The following UBE2G2 variants were observed in gnomAD, a reference collection of about 807,000 sequenced individuals.
UBE2G2 encodes ubiquitin conjugating enzyme E2 G2, also known as ubiquitin-conjugating enzyme E2 G2.
A neutral mutation model predicts 23.0 loss-of-function variants in UBE2G2; 10 were observed. The ratio of observed to expected loss-of-function variants is 0.43; its 90% CI spans 0.27 to 0.74. UBE2G2 has a LOEUF of 0.74. Ranked by LOEUF, UBE2G2 falls within the 30% of genes least tolerant of loss-of-function variation. The probability of loss-of-function intolerance (pLI) is 0.19; values close to 1 mark genes in which losing one functional copy is unlikely to be tolerated. For missense variants in UBE2G2, 150 were observed against 218.3 expected (o/e 0.69, Z 1.97); for synonymous variants, 86 against 81.3 (o/e 1.06, Z -0.31).
At chr21:44,800,322 G>A (rs1380264580) in intron 1 of UBE2G2, 4 of 152,080 alleles carry the variant, frequency 2.6e-5, no homozygotes, top group East Asian at 1.9e-4. Flanking sequence ...GTTTACAGGA[G>A]GCCCTGTGTA....
At chr21:44,777,196 A>G (rs2146386690) in intron 4 of UBE2G2, 103 bp downstream of exon 4, 3 of 971,142 alleles carry the variant, frequency 3.1e-6, no homozygotes, top group East Asian at 2.4e-5. Context: ...TTTTCTAAAG[A>G]TCTACATCAT....
At chr21:44,777,860 T>C (rs1269371731) in intron 3 of UBE2G2, among the ~76,000 whole-genome samples, 3 of 152,154 alleles carry the variant, frequency 2.0e-5, no homozygotes, top group Non-Finnish European at 4.4e-5. Context: ...AAAAAGATTA[T>C]CTAAGTAACA....
intron 1 of UBE2G2, among the ~76,000 whole-genome samples, chr21:44,799,301 C>T (rs1408672039): frequency 2.0e-5 from 3 of 152,202 alleles, no homozygotes; most frequent in African/African-American, 7.2e-5. Context: ...TCGCCCTGTC[C>T]TTTGAAGCCA....
intron 1 of UBE2G2, among the ~76,000 whole-genome samples, chr21:44,788,313 G>A (rs1394825110): frequency 1.1e-4 from 14 of 129,760 alleles, no homozygotes; most frequent in African/African-American, 4.1e-4. Context: ...TTTTTGAGAC[G>A]GAGTCTCACT....
intron 4 of UBE2G2, 78 bp downstream of exon 4, chr21:44,777,221 T>C: frequency 1.7e-6 from 2 of 1,201,926 alleles, no homozygotes; most frequent in Non-Finnish European, 2.5e-6. Flanking sequence ...ATATAGAATA[T>C]ACCACATTTC....
intron 1 of UBE2G2, among the ~76,000 whole-genome samples, chr21:44,794,788 C>T (rs1555963438): frequency 3.3e-5 from 5 of 152,242 alleles, no homozygotes; most frequent in African/African-American, 1.2e-4. Flanking sequence ...CCCACCTCAG[C>T]CCACAAAGTG....
chr21:44,771,558 CATTTATTTAA>C lies in UBE2G2; in HGVS notation c.386-79_386-70del. 6.6e-7 allele frequency: 1 copy of C among 1,510,474 alleles called. No homozygotes were observed. Among genetic ancestry groups the C allele is most frequent in the Non-Finnish European group, 9.1e-7 (1 of 1,099,324 alleles). 93.6% of individuals were successfully genotyped at this position (1,510,474 alleles called of 1,614,324 possible). A position where few individuals can be genotyped will look rare whatever the true frequency, so the allele number is the denominator to read the frequency against. ...ACGTAAGCAGCCTGGCAAGGTCTCC[CATTTATTTAA>C]AACACTGGCGGGGGCTTTCAAGAGC... On this transcript the variant is annotated intron_variant, in intron 5 of 5. Coordinates refer to ENST00000345496, the MANE Select transcript of UBE2G2 (RefSeq NM_003343.6). This position sits in a 1 kb window ranked among gnomAD's most constrained non-coding sequence, Gnocchi z 4.6.
chr21:44,791,990 A>G (rs1197864426), intron 1 of UBE2G2, among the ~76,000 whole-genome samples: 1 of 152,222 alleles, frequency 6.6e-6, no homozygotes, highest in East Asian at 1.9e-4. Context: ...GAGCTTTAAG[A>G]TTTAATGACT....
intron 3 of UBE2G2, among the ~76,000 whole-genome samples, chr21:44,785,365 C>T (rs2082988032): frequency 6.6e-6 from 1 of 152,210 alleles, no homozygotes; most frequent in Admixed American, 6.5e-5. Context: ...CTCTCATTCA[C>T]TAATCTGTTC....
intron 3 of UBE2G2, among the ~76,000 whole-genome samples, chr21:44,778,430 C>A (rs1025829362): frequency 6.6e-6 from 1 of 152,220 alleles, no homozygotes; most frequent in African/African-American, 2.4e-5. Flanking sequence ...ACTTTCCTCA[C>A]GTGTAAATGG....
At chr21:44,794,629 A>G (rs894742720) in intron 1 of UBE2G2, among the ~76,000 whole-genome samples, 2 of 151,406 alleles carry the variant, frequency 1.3e-5, no homozygotes, top group Non-Finnish European at 2.9e-5. Flanking sequence ...CCACCTCCCA[A>G]GTTCACGCCA....
chr21:44,773,745 G>T (rs148057594), intron 4 of UBE2G2, 58 bp from the exon 5 acceptor site: 3 of 1,581,260 alleles, frequency 1.9e-6, no homozygotes, highest in African/African-American at 1.3e-5. Flanking sequence ...GCATCGCCGC[G>T]CTTGGGCAGG....
chr21:44,797,741 A>AAAAGAGG (rs869172926), intron 1 of UBE2G2, among the ~76,000 whole-genome samples: 1 of 107,974 alleles, frequency 9.3e-6, no homozygotes, highest in Non-Finnish European at 1.8e-5. Context: ...AAAAAAAAAA[A>AAAAGAGG]GAGAAAATAC....
chr21:44,779,513 C>A (rs577280170), intron 3 of UBE2G2, among the ~76,000 whole-genome samples: 20 of 151,966 alleles, frequency 1.3e-4, no homozygotes, highest in South Asian at 1.0e-3. Flanking sequence ...GAGTACCCCC[C>A]CCGGCCCACA....
At chr21:44,796,008 G>A (rs1453727461) in intron 1 of UBE2G2, among the ~76,000 whole-genome samples, 1 of 152,136 alleles carries the variant, frequency 6.6e-6, no homozygotes, top group African/African-American at 2.4e-5. Context: ...TTCTCCCCTC[G>A]AGCCCTCAAG....
At position 44,788,283 on chromosome 21, in the gene UBE2G2, T is replaced by G. The variant is rs1016644671; in HGVS notation, c.44-188A>C. 4.4e-3 allele frequency among the ~76,000 whole-genome samples: 551 copies of G among 125,766 alleles called. 2 individuals carry two copies. The highest frequency in any genetic ancestry group is 0.016 in the South Asian group (57 of 3,654). 82.5% of individuals were successfully genotyped at this position (125,766 alleles called of 152,430 possible). On this transcript the variant is annotated intron_variant, in intron 1 of 5. Transcript: ENST00000345496. ...TTCTGATAACAACTACACAAAGTTT[T>G]TTTGTTTTTTTTTTGTTTTTTTTTG...
At chr21:44,782,301 A>G (rs1175978158) in intron 3 of UBE2G2, among the ~76,000 whole-genome samples, 1 of 152,218 alleles carries the variant, frequency 6.6e-6, no homozygotes. Context: ...GAGAATTTTA[A>G]AACACCTAAA....
intron 4 of UBE2G2, chr21:44,774,956 C>A (rs2082902093): frequency 3.0e-6 from 1 of 331,138 alleles, no homozygotes; most frequent in African/African-American, 2.2e-5. Context: ...CATTTAGTTC[C>A]CAAGTTGCCG....
At position 44,768,943 on chromosome 21, in the gene UBE2G2, G is replaced by A. The variant is rs1346213878; in HGVS notation, c.*2434C>T. On this transcript the variant is annotated 3_prime_UTR_variant, in exon 6 of 6. Transcript: ENST00000345496. ...AGAGCTAACCCAAGTCTGCAGAAAA[G>A]CCCCCACCGTGAGGAATCCCAGCTG... The A allele has an allele frequency of 6.6e-6, 1 of 152,134 alleles. No homozygotes were observed. The highest frequency in any genetic ancestry group is 1.5e-5 in the Non-Finnish European group (1 of 68,040). The allele number at this position is 152,134 out of a possible 1,614,324, so 9.4% of individuals were successfully genotyped here.
Sources: allele counts gnomAD v4.1 joint callset (sites outside exome capture counted in the v4.1 genomes callset), GRCh38; gene constraint gnomAD v4.1.1; non-coding constraint Gnocchi (gnomAD v3.1); transcripts MANE v1.5; gene names NCBI Gene and HGNC (gene_info 2026-07-23, HGNC 2026-07-21).